RGS7: variants seen among roughly 807,000 people sequenced by gnomAD.
The protein encoded by RGS7 is regulator of G-protein signaling 7.
Under a neutral mutation model 81.1 loss-of-function variants are expected in RGS7, and 27 were observed. The ratio of observed to expected loss-of-function variants is 0.33; its 90% CI spans 0.25 to 0.46. The LOEUF is 0.46. Among genes scored for constraint, RGS7 ranks in the 20% least tolerant of loss-of-function variants. The pLI is 1.00. For missense variants in RGS7, 396 were observed against 607.4 expected (o/e 0.65, Z 3.66); for synonymous variants, 208 against 207.7 (o/e 1.00, Z -0.01).
chr1:240,922,064 A>G (rs1480556015), intron 6 of RGS7, among the ~76,000 whole-genome samples: 1 of 152,074 alleles, frequency 6.6e-6, no homozygotes, highest in Non-Finnish European at 1.5e-5. Flanking sequence ...AATCAAGGAA[A>G]AAGAATAGAG....
chr1:241,090,028 A>G (rs1442582789), intron 3 of RGS7, among the ~76,000 whole-genome samples: 1 of 151,278 alleles, frequency 6.6e-6, no homozygotes, highest in Non-Finnish European at 1.5e-5. Flanking sequence ...AGAGAACAGG[A>G]AAACTTTTTT....
chr1:241,068,599 T>C (rs925331475), intron 3 of RGS7, among the ~76,000 whole-genome samples: 1 of 152,070 alleles, frequency 6.6e-6, no homozygotes, highest in African/African-American at 2.4e-5. Flanking sequence ...CTGAGCTTGA[T>C]CAAGGGAGTG....
chr1:241,235,995 C>T (rs2075953689), intron 2 of RGS7, among the ~76,000 whole-genome samples: 1 of 149,058 alleles, frequency 6.7e-6, no homozygotes, highest in Non-Finnish European at 1.5e-5. Flanking sequence ...TTCCTGGCTT[C>T]CTCTCATTTT....
At chr1:240,925,449 A>T (rs1165665698) in intron 6 of RGS7, among the ~76,000 whole-genome samples, 4 of 152,134 alleles carry the variant, frequency 2.6e-5, no homozygotes, top group African/African-American at 9.7e-5. Flanking sequence ...GCTGCAAAGG[A>T]CATACTTTTA....
intron 6 of RGS7, among the ~76,000 whole-genome samples, chr1:240,906,019 T>C (rs1310813296): frequency 6.6e-6 from 1 of 152,210 alleles, no homozygotes; most frequent in Non-Finnish European, 1.5e-5. Flanking sequence ...TCTCATACCA[T>C]CTGCCCGGCA....
At chr1:240,964,534 T>G (rs772455504) in intron 4 of RGS7, among the ~76,000 whole-genome samples, 1 of 152,166 alleles carries the variant, frequency 6.6e-6, no homozygotes, top group African/African-American at 2.4e-5. Flanking sequence ...TGAGTTGTAG[T>G]GTCTGATCGT....
intron 15 of RGS7, among the ~76,000 whole-genome samples, chr1:240,804,745 G>A (rs1455668165): frequency 1.3e-5 from 2 of 152,098 alleles, no homozygotes; most frequent in South Asian, 2.1e-4. Flanking sequence ...CAGAGTTTCT[G>A]GCCTGCTCTC....
At chr1:240,860,326 G>GT (rs1661977079) in intron 9 of RGS7, among the ~76,000 whole-genome samples, 1 of 152,012 alleles carries the variant, frequency 6.6e-6, no homozygotes, top group Admixed American at 6.6e-5. Flanking sequence ...ATAAAATAGC[G>GT]TATTTATCCA....
chr1:240,928,942 A>C (rs186135877), intron 6 of RGS7, among the ~76,000 whole-genome samples: 12 of 152,330 alleles, frequency 7.9e-5, no homozygotes, highest in African/African-American at 2.6e-4. Context: ...GAAAAGAGGC[A>C]GTGTATCTGC....
chr1:241,229,798 A>G (rs1210088087), intron 2 of RGS7, among the ~76,000 whole-genome samples: 1 of 152,236 alleles, frequency 6.6e-6, no homozygotes, highest in Non-Finnish European at 1.5e-5. Flanking sequence ...CTATTTTAAA[A>G]TCATTTTGCT....
chr1:241,143,617 G>A (rs1283590629), intron 2 of RGS7, among the ~76,000 whole-genome samples: 1 of 152,140 alleles, frequency 6.6e-6, no homozygotes, highest in Non-Finnish European at 1.5e-5. Context: ...CACAACATGT[G>A]GGAATTCAAG....
intron 9 of RGS7, among the ~76,000 whole-genome samples, chr1:240,835,178 C>T (rs1236205728): frequency 6.6e-6 from 1 of 151,758 alleles, no homozygotes; most frequent in East Asian, 1.9e-4. Context: ...AGACAGGCCA[C>T]AAACTGGAAA....
At chr1:240,890,957 C>T (rs1395789673) in intron 6 of RGS7, among the ~76,000 whole-genome samples, 3 of 152,114 alleles carry the variant, frequency 2.0e-5, no homozygotes, top group Admixed American at 6.5e-5. Flanking sequence ...AATGCATACT[C>T]CTGCTGAAAA....
intron 6 of RGS7, among the ~76,000 whole-genome samples, chr1:240,883,005 C>T (rs971013853): frequency 6.6e-6 from 1 of 152,112 alleles, no homozygotes; most frequent in African/African-American, 2.4e-5. Context: ...GGTTTTTTGT[C>T]CTTGCAACAG....
intron 18 of RGS7, among the ~76,000 whole-genome samples, chr1:240,792,263 A>C (rs1243215638): frequency 6.6e-6 from 1 of 152,152 alleles, no homozygotes; most frequent in Admixed American, 6.6e-5. Flanking sequence ...TTGGTGCTAC[A>C]AGTCTTCTTC....
intron 3 of RGS7, among the ~76,000 whole-genome samples, chr1:241,069,787 A>C (rs1330044334): frequency 6.6e-6 from 1 of 152,204 alleles, no homozygotes; most frequent in Non-Finnish European, 1.5e-5. Flanking sequence ...TTGGAACAGG[A>C]TAATAGAAAA....
In RGS7 at chr1:241,188,411, GA is replaced by G. The variant is rs904065975; in HGVS notation, c.79-89650del. Among the ~76,000 whole-genome samples the G allele has an allele frequency of 1.1e-4, 17 of 150,866 alleles. 1 individual carries two copies. The highest frequency in any genetic ancestry group is 2.7e-4 in the African/African-American group (11 of 41,088). On this transcript the variant is annotated intron_variant, in intron 2 of 18. Transcript: ENST00000440928. Reference sequence around the variant, plus strand: ...TTTTAAATAGTTGAGTGGGTTTTCAGAAAAAAAAGTATTCAATAAACAGGAA... The same window carrying G: ...TTTTAAATAGTTGAGTGGGTTTTCAGAAAAAAAGTATTCAATAAACAGGAA...
chr1:241,017,439 CAAA>C (rs554731685), intron 3 of RGS7, among the ~76,000 whole-genome samples: 1 of 73,080 alleles, frequency 1.4e-5, no homozygotes. Flanking sequence ...CACTCTGTCT[CAAA>C]AAAAAAAAAA....
intron 3 of RGS7, among the ~76,000 whole-genome samples, chr1:241,030,797 C>G (rs1390698656): frequency 1.3e-5 from 2 of 151,982 alleles, no homozygotes; most frequent in Non-Finnish European, 2.9e-5. Context: ...AAATACTCCT[C>G]TTAAAAAAAT....
Sources: allele counts gnomAD v4.1 joint callset (sites outside exome capture counted in the v4.1 genomes callset), GRCh38; gene constraint gnomAD v4.1.1; transcripts MANE v1.5; gene names NCBI Gene and HGNC (gene_info 2026-07-23, HGNC 2026-07-21).